Variants in BBX observed in about 807,000 individuals in gnomAD.
BBX encodes HMG box transcription factor BBX.
A neutral mutation model predicts 100.2 loss-of-function variants in BBX; 30 were observed. The ratio of observed to expected loss-of-function variants is 0.30; its 90% CI spans 0.22 to 0.41. The LOEUF is 0.41. Among genes scored for constraint, BBX ranks in the 10% least tolerant of loss-of-function variants. BBX has a pLI of 1.00. For synonymous variants in BBX, 376 were observed against 388.1 expected, an observed-to-expected ratio of 0.97 and a Z score of 0.37; for missense variants, 1,023 against 1,129.8, an observed-to-expected ratio of 0.91 and a Z score of 1.35.
intron 16 of BBX, among the ~76,000 whole-genome samples, chr3:107,800,418 T>A (rs2070312193): frequency 6.6e-6 from 1 of 152,232 alleles, no homozygotes; most frequent in African/African-American, 2.4e-5. Context: ...ATCAGTCATT[T>A]TCTATATTTA....
chr3:107,707,299 A>G (rs936492895), intron 3 of BBX, among the ~76,000 whole-genome samples: 5 of 152,306 alleles, frequency 3.3e-5, no homozygotes, highest in East Asian at 1.9e-4. Context: ...ACAGTTTTCA[A>G]TTCCCTTTGT....
At chr3:107,681,850 C>G (rs897542753) in intron 3 of BBX, among the ~76,000 whole-genome samples, 3 of 152,020 alleles carry the variant, frequency 2.0e-5, no homozygotes, top group African/African-American at 7.2e-5. Context: ...TTCTCCCTGT[C>G]AGTAAAGCTA....
At chr3:107,723,415 A>T (rs1286757267) in intron 5 of BBX, among the ~76,000 whole-genome samples, 4 of 151,378 alleles carry the variant, frequency 2.6e-5, no homozygotes, top group African/African-American at 4.8e-5. Flanking sequence ...TATTTTTTTA[A>T]TTTTTTTTAT....
chr3:107,621,442 C>T (rs1231857351), intron 2 of BBX, among the ~76,000 whole-genome samples: 2 of 152,138 alleles, frequency 1.3e-5, no homozygotes, highest in Non-Finnish European at 1.5e-5. Context: ...TGGATATGCA[C>T]ATGTTTCATT....
At chr3:107,592,158 G>T (rs2053367170) in intron 2 of BBX, among the ~76,000 whole-genome samples, 1 of 152,022 alleles carries the variant, frequency 6.6e-6, no homozygotes, top group Non-Finnish European at 1.5e-5. Context: ...TTTACAAAAT[G>T]TAATCTACTT....
At chr3:107,641,867 A>G (rs2057233217) in intron 2 of BBX, 1 of 152,248 alleles carries the variant, frequency 6.6e-6, no homozygotes, top group Non-Finnish European at 1.5e-5. Flanking sequence ...ACAGACGGGT[A>G]ATTTTAACAA....
chr3:107,801,963 G>A lies in BBX; in HGVS notation c.2738+682G>A, dbSNP rs981555075. ...CATAGTGATATCGCCAAAGAATTAC[G>A]AAGTTGTAAGCATCAGACGAGATCA... On this transcript the variant is annotated intron_variant, in intron 17 of 17. Transcript: ENST00000325805. Among the ~76,000 whole-genome samples the A allele has an allele frequency of 6.6e-5, 10 of 152,284 alleles. No homozygotes were observed. In the East Asian group the frequency reaches 1.3e-3, roughly 21 times the overall value.
intron 3 of BBX, among the ~76,000 whole-genome samples, chr3:107,654,632 C>A (rs1160823331): frequency 6.6e-6 from 1 of 152,072 alleles, no homozygotes; most frequent in African/African-American, 2.4e-5. Context: ...TTAAGCGTTT[C>A]CTTATAGGAG....
At chr3:107,542,436 A>G (rs1223067935) in intron 2 of BBX, among the ~76,000 whole-genome samples, 1 of 152,214 alleles carries the variant, frequency 6.6e-6, no homozygotes, top group Non-Finnish European at 1.5e-5. Context: ...TTGTAATTTG[A>G]AAGAACAGCA....
At chr3:107,545,010 C>T (rs1272544510) in intron 2 of BBX, among the ~76,000 whole-genome samples, 2 of 150,966 alleles carry the variant, frequency 1.3e-5, no homozygotes, top group Non-Finnish European at 3.0e-5. Context: ...AGCGAGACTC[C>T]GTCTCAAAAA....
Position 107,693,193 on chromosome 3 carries a change from T to G in BBX, c.-9-17259T>G, listed in dbSNP as rs555795598. ...AGTTTCTTTTGCTGTGCAGAAGCTC[T>G]TTAGTTTAATTAGATCCCATTTGAC... On this transcript the variant is annotated intron_variant, in intron 3 of 17. Transcript: ENST00000325805. 2.0e-5 allele frequency among the ~76,000 whole-genome samples: 3 copies of G among 151,404 alleles called. No individual in the cohort carries two copies. In the South Asian group the frequency reaches 6.2e-4, roughly 31 times the overall value.
intron 2 of BBX, among the ~76,000 whole-genome samples, chr3:107,567,715 T>A (rs1576334231): frequency 1.3e-5 from 2 of 152,200 alleles, no homozygotes; most frequent in African/African-American, 4.8e-5. Context: ...ATAGCCTGTT[T>A]ATGTTTATTT....
intron 5 of BBX, among the ~76,000 whole-genome samples, chr3:107,724,530 T>A (rs577269429): frequency 6.6e-6 from 1 of 152,372 alleles, no homozygotes; most frequent in Admixed American, 6.5e-5. Context: ...CTAGGGTTTT[T>A]ATGGTTTCAG....
chr3:107,688,947 T>C (rs1347946460), intron 3 of BBX, among the ~76,000 whole-genome samples: 1 of 152,180 alleles, frequency 6.6e-6, no homozygotes, highest in Admixed American at 6.6e-5. Flanking sequence ...CCCCTACCTT[T>C]CAGTTCAAGG....
intron 2 of BBX, among the ~76,000 whole-genome samples, chr3:107,633,827 G>A (rs910547454): frequency 6.6e-6 from 1 of 152,192 alleles, no homozygotes; most frequent in Non-Finnish European, 1.5e-5. Flanking sequence ...ATAAAAGGAT[G>A]TGAAAAGAGC....
At chr3:107,720,188 C>T (rs905721489) in intron 5 of BBX, among the ~76,000 whole-genome samples, 1 of 152,014 alleles carries the variant, frequency 6.6e-6, no homozygotes, top group African/African-American at 2.4e-5. Context: ...ACCAACCATA[C>T]ATTCAGTATA....
At chr3:107,704,654 C>A (rs1169403100) in intron 3 of BBX, among the ~76,000 whole-genome samples, 1 of 152,224 alleles carries the variant, frequency 6.6e-6, no homozygotes, top group African/African-American at 2.4e-5. Flanking sequence ...GACTAATTCA[C>A]TCCTACAATC....
At chr3:107,716,349 G>A (rs1416408951) in intron 4 of BBX, 5 of 373,668 alleles carry the variant, frequency 1.3e-5, no homozygotes, top group Non-Finnish European at 2.4e-5. Flanking sequence ...AAAAATGTAA[G>A]CAATTATAAC....
At chr3:107,714,458 G>A (rs994446517) in intron 4 of BBX, among the ~76,000 whole-genome samples, 3 of 152,038 alleles carry the variant, frequency 2.0e-5, no homozygotes, top group African/African-American at 4.8e-5. Flanking sequence ...TCTGTTACAC[G>A]TTGAATTTTA....
Sources: allele counts gnomAD v4.1 joint callset (sites outside exome capture counted in the v4.1 genomes callset), GRCh38; gene constraint gnomAD v4.1.1; transcripts MANE v1.5; gene names NCBI Gene and HGNC (gene_info 2026-07-23, HGNC 2026-07-21).